NPFFR2: variants seen among roughly 807,000 people sequenced by gnomAD.
The protein encoded by NPFFR2 is neuropeptide FF receptor 2, also known as G-protein coupled receptor 74.
A neutral mutation model predicts 13.1 loss-of-function variants in NPFFR2; 15 were observed. The ratio of observed to expected loss-of-function variants is 1.15; its 90% CI spans 0.77 to 1.76. The LOEUF is 1.76. Ranked by LOEUF, NPFFR2 falls within the 40% of genes most tolerant of loss-of-function variation. The pLI is 0.00. For missense variants in NPFFR2, 572 were observed against 503.5 expected (o/e 1.14, Z -1.30); for synonymous variants, 190 against 175.7 (o/e 1.08, Z -0.65).
intron 1 of NPFFR2, among the ~76,000 whole-genome samples, chr4:72,038,523 GT>G (rs11327504): frequency 0.35 from 52,778 of 151,778 alleles, 9,593 homozygotes; most frequent in East Asian, 0.68. Flanking sequence ...TATCATTCCT[GT>G]TTTTTAATTC....
intron 1 of NPFFR2, among the ~76,000 whole-genome samples, chr4:72,060,695 C>A (rs1319374133): frequency 6.6e-6 from 1 of 152,004 alleles, no homozygotes; most frequent in Non-Finnish European, 1.5e-5. Context: ...GAATTTAGAA[C>A]CCCGAGCTTG....
At chr4:72,045,403 A>G (rs1359163005) in intron 1 of NPFFR2, among the ~76,000 whole-genome samples, 3 of 152,106 alleles carry the variant, frequency 2.0e-5, no homozygotes, top group African/African-American at 7.2e-5. Flanking sequence ...TTTTATACCA[A>G]TACCATTTCC....
At chr4:72,054,991 A>T (rs1383413773) in intron 1 of NPFFR2, among the ~76,000 whole-genome samples, 3 of 152,080 alleles carry the variant, frequency 2.0e-5, no homozygotes, top group Middle Eastern at 6.8e-3. Context: ...ATTGTATAAT[A>T]TACAGATTTT....
At chr4:72,105,889 A>T (rs890583958) in intron 1 of NPFFR2, among the ~76,000 whole-genome samples, 2 of 152,030 alleles carry the variant, frequency 1.3e-5, no homozygotes, top group Admixed American at 1.3e-4. Flanking sequence ...ATGTAACAGG[A>T]TGTTATAACA....
At chr4:72,056,378 C>A (rs922641726) in intron 1 of NPFFR2, among the ~76,000 whole-genome samples, 5 of 151,996 alleles carry the variant, frequency 3.3e-5, no homozygotes, top group Non-Finnish European at 5.9e-5. Context: ...TTTCAGCCCA[C>A]TATGGAGACC....
At chr4:72,056,952 G>A (rs867452953) in intron 1 of NPFFR2, among the ~76,000 whole-genome samples, 5 of 151,950 alleles carry the variant, frequency 3.3e-5, no homozygotes, top group African/African-American at 1.2e-4. Flanking sequence ...GTTTTTTAGA[G>A]GGAATCTACT....
intron 1 of NPFFR2, among the ~76,000 whole-genome samples, chr4:72,113,384 C>A (rs1205432037): frequency 6.6e-6 from 1 of 152,048 alleles, no homozygotes; most frequent in Non-Finnish European, 1.5e-5. Flanking sequence ...ATTGTTCTAT[C>A]TTCCCCTCTT....
intron 1 of NPFFR2, among the ~76,000 whole-genome samples, chr4:72,069,961 T>C (rs1438925422): frequency 2.6e-5 from 4 of 152,172 alleles, no homozygotes; most frequent in Non-Finnish European, 1.5e-5. Context: ...GTTCTATGTA[T>C]ATCAAGTCAT....
At chr4:72,080,226 G>A (rs1275241277) in intron 1 of NPFFR2, among the ~76,000 whole-genome samples, 3 of 151,536 alleles carry the variant, frequency 2.0e-5, no homozygotes, top group East Asian at 3.9e-4. Flanking sequence ...GTGCAGTGGT[G>A]CAATCTCCGC....
rs113332034 is a variant in NPFFR2 at position 72,119,711 on chromosome 4, T to C, written c.-7-8874T>C. On this transcript the variant is annotated intron_variant, in intron 1 of 3. Transcript: ENST00000308744. Reference sequence around the variant, plus strand: ...TCCCTCTCCTAGCCAAGGGAAGCCCTGAGAGATTGTGCCTTAAGGAATGGT... The same window carrying C: ...TCCCTCTCCTAGCCAAGGGAAGCCCCGAGAGATTGTGCCTTAAGGAATGGT... Among the ~76,000 whole-genome samples the C allele has an allele frequency of 1.5e-3, 234 of 152,322 alleles. 2 individuals are homozygous for C. Among genetic ancestry groups the C allele is most frequent in the Non-Finnish European group, 1.5e-3 (103 of 68,036 alleles).
chr4:72,067,055 C>T (rs538456572), intron 1 of NPFFR2, among the ~76,000 whole-genome samples: 5 of 152,094 alleles, frequency 3.3e-5, no homozygotes, highest in African/African-American at 1.2e-4. Context: ...CAACAGTCCT[C>T]TCCCTGGGCC....
intron 1 of NPFFR2, among the ~76,000 whole-genome samples, chr4:72,124,643 T>C (rs1420145980): frequency 6.6e-6 from 1 of 152,120 alleles, no homozygotes; most frequent in African/African-American, 2.4e-5. Flanking sequence ...ATCTGATCTT[T>C]GACAAACCTG....
chr4:72,147,909 C>T lies in NPFFR2; in HGVS notation c.*97C>T. On this transcript the variant is annotated 3_prime_UTR_variant, in exon 4 of 4. Coordinates refer to ENST00000308744, the MANE Select transcript of NPFFR2 (RefSeq NM_004885.3). The stretch of plus-strand genomic sequence containing the variant: ...CACTTCAAATTTTTCAAAGAATGTT[C>T]TAAATAAAACATTTACTGAAAGCCC... 10 of 920,498 alleles carry T rather than the reference C, an allele frequency of 1.1e-5. No individual in the cohort carries two copies. Among genetic ancestry groups the T allele is most frequent in the African/African-American group, 1.7e-5 (1 of 59,050 alleles). The allele number at this position is 920,498 out of a possible 1,614,324, so 57.0% of individuals were successfully genotyped here.
intron 1 of NPFFR2, among the ~76,000 whole-genome samples, chr4:72,120,293 C>G (rs555366288): frequency 6.6e-6 from 1 of 152,242 alleles, no homozygotes; most frequent in East Asian, 1.9e-4. Context: ...CTCCCTGGGA[C>G]AGAGCACCTG....
intron 3 of NPFFR2, among the ~76,000 whole-genome samples, chr4:72,141,168 G>A (rs1578483603): frequency 6.6e-6 from 1 of 151,206 alleles, no homozygotes; most frequent in Non-Finnish European, 1.5e-5. Context: ...TATTAGTGTT[G>A]CTAGTAGTCT....
At position 72,128,935 on chromosome 4, in the gene NPFFR2, T is replaced by C; in HGVS notation, c.328+16T>C. On this transcript the variant is annotated intron_variant, in intron 2 of 3. Transcript: ENST00000308744. Reference sequence around the variant, plus strand: ...ATTATAGCAGGTATGTTGGCTTTTGTGCAGTTTGAAGATAATATGAAATAT... The same window carrying C: ...ATTATAGCAGGTATGTTGGCTTTTGCGCAGTTTGAAGATAATATGAAATAT... 1 of 1,571,884 alleles carries C rather than the reference T, an allele frequency of 6.4e-7. No individual in the cohort carries two copies. The highest frequency in any genetic ancestry group is 8.7e-7 in the Non-Finnish European group (1 of 1,146,848).
intron 1 of NPFFR2, among the ~76,000 whole-genome samples, chr4:72,060,735 C>T (rs1176143385): frequency 6.6e-6 from 1 of 152,094 alleles, no homozygotes; most frequent in South Asian, 2.1e-4. Flanking sequence ...GGGATTTTTC[C>T]GATGAGGTCA....
At chr4:72,071,495 A>G (rs1000418783) in intron 1 of NPFFR2, among the ~76,000 whole-genome samples, 5 of 152,140 alleles carry the variant, frequency 3.3e-5, no homozygotes, top group Non-Finnish European at 5.9e-5. Flanking sequence ...CACTGGCACA[A>G]TCTGTCTGAT....
intron 2 of NPFFR2, among the ~76,000 whole-genome samples, chr4:72,135,943 T>TG (rs1722396802): frequency 1.3e-5 from 2 of 152,158 alleles, no homozygotes; most frequent in Non-Finnish European, 2.9e-5. Flanking sequence ...ATTTGGGATA[T>TG]CCATCACCTC....
Sources: allele counts gnomAD v4.1 joint callset (sites outside exome capture counted in the v4.1 genomes callset), GRCh38; gene constraint gnomAD v4.1.1; transcripts MANE v1.5; gene names NCBI Gene and HGNC (gene_info 2026-07-23, HGNC 2026-07-21).